BLOC1S5: variants seen among roughly 807,000 people sequenced by gnomAD.
BLOC1S5 encodes the protein biogenesis of lysosome-related organelles complex 1 subunit 5.
Under a neutral mutation model 24.3 loss-of-function variants are expected in BLOC1S5, and 27 were observed. The observed-to-expected ratio is 1.11, with a 90% CI of 0.82 to 1.53. The LOEUF (loss-of-function observed/expected upper bound fraction) is 1.53. Among genes scored for constraint, BLOC1S5 ranks in the 40% most tolerant of loss-of-function variants. BLOC1S5 has a pLI of 0.00. For missense variants in BLOC1S5, 239 were observed against 229.4 expected (o/e 1.04, Z -0.27); for synonymous variants, 84 against 74.5 (o/e 1.13, Z -0.66).
At chr6:8,028,140 T>TC (rs1365406871) in intron 3 of BLOC1S5, among the ~76,000 whole-genome samples, 3 of 152,198 alleles carry the variant, frequency 2.0e-5, no homozygotes, top group African/African-American at 7.2e-5. Flanking sequence ...CCCACCCCAA[T>TC]CCGGCCCCAA....
intron 2 of BLOC1S5, among the ~76,000 whole-genome samples, chr6:8,054,896 A>C (rs186836671): frequency 4.6e-5 from 7 of 152,188 alleles, no homozygotes; most frequent in Non-Finnish European, 1.0e-4. Flanking sequence ...CACATATTTC[A>C]ATTTTTCATT....
At chr6:8,044,198 C>T (rs566829375) in intron 2 of BLOC1S5, among the ~76,000 whole-genome samples, 5 of 148,842 alleles carry the variant, frequency 3.4e-5, no homozygotes, top group African/African-American at 9.9e-5. Context: ...GCAGGAGAAT[C>T]GCTTGAACCT....
chr6:8,015,929 C>A, intron 4 of BLOC1S5, 101 bp from the exon 5 acceptor site: 1 of 1,089,776 alleles, frequency 9.2e-7, no homozygotes, highest in South Asian at 1.7e-5. Context: ...GCTGGTAAGT[C>A]ACAAGGAAAA....
chr6:8,046,789 G>C (rs914518951), intron 2 of BLOC1S5, among the ~76,000 whole-genome samples: 3 of 151,888 alleles, frequency 2.0e-5, no homozygotes, highest in African/African-American at 7.3e-5. Context: ...TGTAGAGACA[G>C]GGTCTTGTTC....
At chr6:8,041,306 CTTTTCCTTTT>C (rs1290250476) in intron 2 of BLOC1S5, 38 bp from the exon 3 acceptor site, 2 of 822,852 alleles carry the variant, frequency 2.4e-6, no homozygotes, top group East Asian at 7.7e-5. Context: ...AATATGGTGT[CTTTTCCTTTT>C]TTTTTTTTTT....
At chr6:8,047,005 A>G (rs1479746964) in intron 2 of BLOC1S5, among the ~76,000 whole-genome samples, 2 of 152,028 alleles carry the variant, frequency 1.3e-5, no homozygotes, top group Non-Finnish European at 2.9e-5. Context: ...GCTGGCCTCA[A>G]ACTCCTGAGC....
chr6:8,055,551 T>C (rs537871273), intron 2 of BLOC1S5, among the ~76,000 whole-genome samples: 85 of 152,386 alleles, frequency 5.6e-4, no homozygotes, highest in Non-Finnish European at 1.0e-3. Context: ...TGTGTGGGAT[T>C]TGACTCTTGC....
intron 2 of BLOC1S5, among the ~76,000 whole-genome samples, chr6:8,060,003 TG>T: frequency 6.6e-6 from 1 of 152,364 alleles, no homozygotes; most frequent in East Asian, 1.9e-4. Flanking sequence ...CAACACATTT[TG>T]TTTGACTTTA....
At chr6:8,017,500 A>T (rs1762785216) in intron 4 of BLOC1S5, among the ~76,000 whole-genome samples, 1 of 152,220 alleles carries the variant, frequency 6.6e-6, no homozygotes, top group South Asian at 2.1e-4. Flanking sequence ...ATGCTGGTTA[A>T]CTCAGATGTC....
chr6:8,026,214 C>A (rs149804780), intron 4 of BLOC1S5, among the ~76,000 whole-genome samples, 153 bp downstream of exon 4: 1 of 152,112 alleles, frequency 6.6e-6, no homozygotes, highest in Non-Finnish European at 1.5e-5. Flanking sequence ...GATGGTATGA[C>A]CACACCTCCT....
intron 3 of BLOC1S5, among the ~76,000 whole-genome samples, chr6:8,026,841 A>G (rs943272142): frequency 9.9e-5 from 15 of 152,152 alleles, no homozygotes; most frequent in Non-Finnish European, 2.2e-4. Flanking sequence ...CCATTAAGTC[A>G]TTTCTCTTTC....
intron 4 of BLOC1S5, among the ~76,000 whole-genome samples, chr6:8,017,615 G>C (rs2748377): frequency 0.59 from 89,470 of 152,146 alleles, 27,257 homozygotes; most frequent in East Asian, 0.83. Flanking sequence ...ATGACAAACA[G>C]GATGAAGGGC....
At chr6:8,057,096 G>A (rs182051523) in intron 2 of BLOC1S5, among the ~76,000 whole-genome samples, 14 of 152,310 alleles carry the variant, frequency 9.2e-5, no homozygotes, top group Admixed American at 2.6e-4. Flanking sequence ...GTATATGCCT[G>A]TAATCCCAGC....
chr6:8,058,734 G>C (rs1460045044), intron 2 of BLOC1S5, among the ~76,000 whole-genome samples: 2 of 152,134 alleles, frequency 1.3e-5, no homozygotes, highest in Non-Finnish European at 2.9e-5. Flanking sequence ...TATGGACAAA[G>C]GCAACATCCT....
At chr6:8,050,853 C>G (rs948417747) in intron 2 of BLOC1S5, among the ~76,000 whole-genome samples, 3 of 152,018 alleles carry the variant, frequency 2.0e-5, no homozygotes, top group African/African-American at 7.2e-5. Context: ...GATCTGCCCG[C>G]CTCGGCCTCC....
In BLOC1S5 at chr6:8,026,357, G is replaced by A. The variant is rs1189557382; in HGVS notation, c.384+10C>T. Reference sequence around the variant, plus strand: ...GAATTATATGCCTCATTATCTAAATGATCTTTTACCTTTTTTCGTTCCTGT... The same window carrying A: ...GAATTATATGCCTCATTATCTAAATAATCTTTTACCTTTTTTCGTTCCTGT... On this transcript the variant is annotated intron_variant, in intron 4 of 4. Coordinates refer to ENST00000397457, the MANE Select transcript of BLOC1S5 (RefSeq NM_201280.3). 6 of 1,589,838 alleles carry A rather than the reference G, an allele frequency of 3.8e-6. No individual in the cohort carries two copies. Among genetic ancestry groups the A allele is most frequent in the Non-Finnish European group, 4.3e-6 (5 of 1,158,614 alleles).
intron 4 of BLOC1S5, among the ~76,000 whole-genome samples, chr6:8,021,391 G>A (rs1581394596): frequency 6.6e-6 from 1 of 152,296 alleles, no homozygotes; most frequent in East Asian, 1.9e-4. Flanking sequence ...CTGAGGTCAG[G>A]AGTTCGAGAC....
intron 2 of BLOC1S5, among the ~76,000 whole-genome samples, chr6:8,043,397 T>G (rs903290494): frequency 1.3e-5 from 2 of 152,146 alleles, no homozygotes; most frequent in African/African-American, 4.8e-5. Flanking sequence ...ACTGATGTAA[T>G]GCGATAAGGG....
At chr6:8,023,277 T>G (rs1421222782) in intron 4 of BLOC1S5, among the ~76,000 whole-genome samples, 1 of 152,252 alleles carries the variant, frequency 6.6e-6, no homozygotes, top group Non-Finnish European at 1.5e-5. Context: ...TTCTTCTGAA[T>G]GTACTTTTAG....
Sources: allele counts gnomAD v4.1 joint callset (sites outside exome capture counted in the v4.1 genomes callset), GRCh38; gene constraint gnomAD v4.1.1; transcripts MANE v1.5; gene names NCBI Gene and HGNC (gene_info 2026-07-23, HGNC 2026-07-21).